CMSS1: variants seen among roughly 807,000 people sequenced by gnomAD.
CMSS1 encodes protein CMSS1.
Under a neutral mutation model 43.5 loss-of-function variants are expected in CMSS1, and 33 were observed. The ratio of observed to expected loss-of-function variants is 0.76; its 90% CI spans 0.57 to 1.01. The LOEUF (loss-of-function observed/expected upper bound fraction) is 1.01, where lower values mean the gene tolerates loss of function less well. Ranked by LOEUF, CMSS1 falls within the 50% of genes least tolerant of loss-of-function variation. The pLI is 0.00. For synonymous variants in CMSS1, 115 were observed against 117.2 expected (o/e 0.98, Z 0.12); for missense variants, 313 against 326.4 (o/e 0.96, Z 0.32).
intron 1 of CMSS1, among the ~76,000 whole-genome samples, chr3:99,902,775 A>G (rs556033703): frequency 3.9e-4 from 59 of 152,296 alleles, no homozygotes; most frequent in African/African-American, 1.3e-3. Flanking sequence ...CTGTCATGGA[A>G]AAGGTTTAAC....
intron 1 of CMSS1, among the ~76,000 whole-genome samples, chr3:99,961,605 T>A (rs1576603218): frequency 6.6e-6 from 1 of 152,152 alleles, no homozygotes; most frequent in East Asian, 1.9e-4. Flanking sequence ...GCCATATTAT[T>A]TTGGGGAGCT....
intron 1 of CMSS1, 120 bp downstream of exon 1, chr3:99,818,163 A>G (rs1942360240): frequency 2.4e-6 from 2 of 847,006 alleles, no homozygotes; most frequent in Non-Finnish European, 3.8e-6. Flanking sequence ...CCGCCTTGGG[A>G]GCGCGCAAGC....
rs879331832 is a variant in CMSS1, at chr3:99,985,909, TC to T, written c.65-161063del. Among the ~76,000 whole-genome samples, 742 of 152,268 alleles carry T rather than the reference TC, an allele frequency of 4.9e-3. 18 individuals are homozygous for T. Among genetic ancestry groups the T allele is most frequent in the Admixed American group, 0.038 (585 of 15,286 alleles). Reference sequence around the variant, plus strand: ...GGGCCTGAGAAAAGCTTTTTAAAGTTCTGTTGGATATATTCATAAAACACAT... The same window carrying T: ...GGGCCTGAGAAAAGCTTTTTAAAGTTTGTTGGATATATTCATAAAACACAT... On this transcript the variant is annotated intron_variant, in intron 1 of 9. Transcript: ENST00000421999.
At chr3:100,065,834 C>T (rs2065654193) in intron 1 of CMSS1, among the ~76,000 whole-genome samples, 1 of 152,066 alleles carries the variant, frequency 6.6e-6, no homozygotes, top group Middle Eastern at 3.2e-3. Context: ...GTTTATTGGC[C>T]AGGTATCATT....
chr3:100,040,972 A>T (rs9820656), intron 1 of CMSS1: 1 of 152,184 alleles, frequency 6.6e-6, no homozygotes, highest in East Asian at 1.9e-4. Context: ...GTATTCCACT[A>T]TGAATTTTGC....
intron 1 of CMSS1, among the ~76,000 whole-genome samples, chr3:99,989,325 T>C (rs1203392552): frequency 2.0e-5 from 3 of 152,212 alleles, no homozygotes; most frequent in Non-Finnish European, 4.4e-5. Context: ...TTCTAGGTAC[T>C]AAATGTAGAG....
At chr3:100,123,012 T>C (rs1249951221) in intron 1 of CMSS1, among the ~76,000 whole-genome samples, 1 of 152,208 alleles carries the variant, frequency 6.6e-6, no homozygotes, top group African/African-American at 2.4e-5. Flanking sequence ...CTGGGGAGAT[T>C]ATATTTAAAA....
chr3:99,841,927 T>G (rs2107506887), intron 1 of CMSS1, among the ~76,000 whole-genome samples: 1 of 152,268 alleles, frequency 6.6e-6, no homozygotes, highest in Middle Eastern at 3.4e-3. Flanking sequence ...GTGTGGAGAT[T>G]CCTTAAAGAA....
chr3:100,006,029 G>A (rs10511177), intron 1 of CMSS1, among the ~76,000 whole-genome samples: 32,039 of 152,084 alleles, frequency 0.21, 3,503 homozygotes, highest in South Asian at 0.26. Flanking sequence ...TAGGAAGTGG[G>A]ATAGAAGTTT....
intron 3 of CMSS1, 33 bp downstream of exon 3, chr3:100,160,534 C>T (rs2067014787): frequency 2.9e-6 from 3 of 1,051,770 alleles, no homozygotes; most frequent in Admixed American, 2.1e-5. Context: ...TTTGTATGGC[C>T]CCACATGGTT....
At chr3:99,932,767 T>A (rs1219729426) in intron 1 of CMSS1, among the ~76,000 whole-genome samples, 1 of 152,184 alleles carries the variant, frequency 6.6e-6, no homozygotes, top group African/African-American at 2.4e-5. Context: ...GGCACACACC[T>A]GTAATCCCAG....
chr3:100,080,196 C>T (rs2065909673), intron 1 of CMSS1, among the ~76,000 whole-genome samples: 1 of 152,100 alleles, frequency 6.6e-6, no homozygotes, highest in Non-Finnish European at 1.5e-5. Flanking sequence ...ATTGCCCAGG[C>T]TGGTCTCAAA....
At chr3:99,892,671 T>G (rs1706121401) in intron 1 of CMSS1, among the ~76,000 whole-genome samples, 1 of 152,174 alleles carries the variant, frequency 6.6e-6, no homozygotes, top group Admixed American at 6.5e-5. Context: ...TTCTGGTGTC[T>G]CTTTAGGAGC....
At chr3:100,109,633 G>T (rs975848539) in intron 1 of CMSS1, among the ~76,000 whole-genome samples, 6 of 152,114 alleles carry the variant, frequency 3.9e-5, no homozygotes, top group African/African-American at 1.4e-4. Context: ...TGCAATTGAG[G>T]TTCATGCATA....
At chr3:99,924,580 G>A (rs754305924) in intron 1 of CMSS1, among the ~76,000 whole-genome samples, 15 of 152,120 alleles carry the variant, frequency 9.9e-5, no homozygotes, top group Admixed American at 4.6e-4. Context: ...GTGCAATGGC[G>A]CGATCTCGAC....
Position 99,959,943 on chromosome 3 carries a change from A to G in CMSS1, c.64+141900A>G, listed in dbSNP as rs144643666. Among the ~76,000 whole-genome samples the G allele has an allele frequency of 1.1e-4, 17 of 152,300 alleles. No homozygotes were observed. In the East Asian group the frequency reaches 3.3e-3, roughly 29 times the overall value. ...AAGGAGATGCATTCAATGCATTCAG[A>G]TGGCTAACATCTGTCACTTGCAGAA... is the stretch of plus-strand genomic sequence containing the variant. On this transcript the variant is annotated intron_variant, in intron 1 of 9. Transcript: ENST00000421999.
At chr3:99,974,818 T>A (rs1219816751) in intron 1 of CMSS1, among the ~76,000 whole-genome samples, 1 of 152,222 alleles carries the variant, frequency 6.6e-6, no homozygotes, top group Non-Finnish European at 1.5e-5. Context: ...ATAAAGATAA[T>A]AATTTAGTCC....
chr3:99,832,795 A>G (rs1347826142), intron 1 of CMSS1, among the ~76,000 whole-genome samples: 1 of 146,492 alleles, frequency 6.8e-6, no homozygotes, highest in Non-Finnish European at 1.5e-5. Context: ...AGCCGAGATC[A>G]TAGCATTGCA....
Position 99,983,446 on chromosome 3 carries a change from G to GTA in CMSS1, c.65-163515_65-163514dup, listed in dbSNP as rs1442427209. On this transcript the variant is annotated intron_variant, in intron 1 of 9. Transcript: ENST00000421999. ...TATGTATGTATGTATATATATGTAT[G>GTA]TATATATATATATGTGTGTATATAT... 6.2e-3 allele frequency among the ~76,000 whole-genome samples: 540 copies of GTA among 87,608 alleles called. 16 individuals carry two copies. The highest frequency in any genetic ancestry group is 0.015 in the Middle Eastern group (3 of 206). 57.5% of individuals were successfully genotyped at this position (87,608 alleles called of 152,430 possible).
Sources: allele counts gnomAD v4.1 joint callset (sites outside exome capture counted in the v4.1 genomes callset), GRCh38; gene constraint gnomAD v4.1.1; transcripts MANE v1.5; gene names NCBI Gene and HGNC (gene_info 2026-07-23, HGNC 2026-07-21).